Variants in KATNAL2 observed in about 807,000 individuals in gnomAD.
KATNAL2 encodes the protein katanin catalytic subunit A1 like 2.
Under a neutral mutation model 76.3 loss-of-function variants are expected in KATNAL2, and 52 were observed. The observed-to-expected ratio is 0.68, with a 90% CI of 0.55 to 0.86. The LOEUF is 0.86. Among genes scored for constraint, KATNAL2 ranks in the 40% least tolerant of loss-of-function variants. KATNAL2 has a pLI of 0.00. For synonymous variants in KATNAL2, 243 were observed against 244.2 expected (o/e 1.00, Z 0.05); for missense variants, 660 against 668.9 (o/e 0.99, Z 0.15).
intron 15 of KATNAL2, chr18:47,084,296 A>C: frequency 1.4e-6 from 1 of 701,816 alleles, no homozygotes; most frequent in East Asian, 2.7e-5. Context: ...ATGTGATTGG[A>C]GGGATAAGCA....
At chr18:47,067,202 A>C (rs1400923794) in intron 11 of KATNAL2, 83 bp downstream of exon 11, 1 of 602,370 alleles carries the variant, frequency 1.7e-6, no homozygotes, top group East Asian at 3.1e-5. Flanking sequence ...TCAGGAAGGG[A>C]AGGGCAGGAT....
intron 15 of KATNAL2, among the ~76,000 whole-genome samples, chr18:47,094,027 C>T (rs915787081): frequency 1.3e-4 from 20 of 152,204 alleles, no homozygotes; most frequent in African/African-American, 4.1e-4. Context: ...GCAACAGTGT[C>T]GGATGGTAGA....
At chr18:47,046,621 G>A (rs1215998191) in intron 4 of KATNAL2, 94 bp downstream of exon 4, 4 of 888,714 alleles carry the variant, frequency 4.5e-6, no homozygotes, top group Non-Finnish European at 7.0e-6. Context: ...AGACTTTCTT[G>A]TTTAGAGCAA....
intron 8 of KATNAL2, 95 bp from the exon 9 acceptor site, chr18:47,062,877 G>C: frequency 1.1e-6 from 1 of 871,466 alleles, no homozygotes; most frequent in South Asian, 1.7e-5. Context: ...TATATACCAG[G>C]GTCTATAAAT....
chr18:47,045,472 C>A (rs1317717788), intron 3 of KATNAL2, among the ~76,000 whole-genome samples: 2 of 151,828 alleles, frequency 1.3e-5, no homozygotes, highest in Admixed American at 1.3e-4. Flanking sequence ...ATTACAGGTG[C>A]CTGCCACCAC....
chr18:46,921,327 C>T (rs563111172), intron 1 of KATNAL2, among the ~76,000 whole-genome samples: 52 of 152,140 alleles, frequency 3.4e-4, no homozygotes, highest in Non-Finnish European at 6.3e-4. Flanking sequence ...GGGGTTTCAC[C>T]GTCTTGGTCA....
At position 47,031,495 on chromosome 18, in the gene KATNAL2, C is replaced by G. The variant is rs141166327; in HGVS notation, c.52-14962C>G. ...AAGAAAATCATTATGCCCTGAGAAT[C>G]GGGGAATGGGGATTCGGGTGTTAAG... On this transcript the variant is annotated intron_variant, in intron 3 of 17. Coordinates refer to ENST00000683218, the MANE Select transcript of KATNAL2 (RefSeq NM_001387690.1). Among the ~76,000 whole-genome samples, 1,016 of 152,110 alleles carry G rather than the reference C, an allele frequency of 6.7e-3. 14 individuals are homozygous for G. The highest frequency in any genetic ancestry group is 0.023 in the African/African-American group (951 of 41,484).
At chr18:47,053,912 C>T (rs1242903470) in intron 5 of KATNAL2, among the ~76,000 whole-genome samples, 1 of 152,204 alleles carries the variant, frequency 6.6e-6, no homozygotes, top group East Asian at 1.9e-4. Flanking sequence ...GTGACATGAT[C>T]TCACTTCCAG....
intron 1 of KATNAL2, among the ~76,000 whole-genome samples, chr18:46,942,684 A>G (rs889670708): frequency 6.6e-6 from 1 of 152,182 alleles, no homozygotes; most frequent in Non-Finnish European, 1.5e-5. Flanking sequence ...TCTCCTCATT[A>G]TGCTCATAGT....
At chr18:47,045,330 T>TTTTCTTTTCTTTTCTTTTCTTTTC (rs1491241447) in intron 3 of KATNAL2, among the ~76,000 whole-genome samples, 84 of 41,902 alleles carry the variant, frequency 2.0e-3, no homozygotes, top group Non-Finnish European at 2.8e-3. Flanking sequence ...TTTTCTTTTC[T>TTTTCTTTTCTTTTCTTTTCTTTTC]TTTTTTTTTT....
intron 3 of KATNAL2, among the ~76,000 whole-genome samples, chr18:46,952,360 A>G (rs2059583272): frequency 6.9e-6 from 1 of 144,760 alleles, no homozygotes. Context: ...CTGGGATTAT[A>G]GGCATGAGCC....
At position 47,101,819 on chromosome 18, in the gene KATNAL2, C is replaced by G. The variant is rs2063442895; in HGVS notation, c.*814C>G. 1 of 152,218 alleles carries G rather than the reference C, an allele frequency of 6.6e-6. No homozygotes were observed. The highest frequency in any genetic ancestry group is 1.5e-5 in the Non-Finnish European group (1 of 68,066). The allele number at this position is 152,218 out of a possible 1,614,324, so 9.4% of individuals were successfully genotyped here. Reference sequence around the variant, plus strand: ...ACATTCATCCCAAGTCTTCCCTGCTCTTAGGCTCTTCCCCCTCTCCTTAAG... The same window carrying G: ...ACATTCATCCCAAGTCTTCCCTGCTGTTAGGCTCTTCCCCCTCTCCTTAAG... On this transcript the variant is annotated 3_prime_UTR_variant, in exon 18 of 18. Transcript: ENST00000683218.
At chr18:47,083,039 C>G (rs968551478) in intron 15 of KATNAL2, among the ~76,000 whole-genome samples, 15 of 152,194 alleles carry the variant, frequency 9.9e-5, no homozygotes, top group African/African-American at 3.4e-4. Flanking sequence ...AATTCCTTCC[C>G]TGTTGAACAT....
intron 1 of KATNAL2, among the ~76,000 whole-genome samples, chr18:46,927,330 T>C (rs1225854255): frequency 6.6e-6 from 1 of 152,172 alleles, no homozygotes; most frequent in Non-Finnish European, 1.5e-5. Context: ...ATTTTATTTC[T>C]CCTTCACTTA....
intron 1 of KATNAL2, among the ~76,000 whole-genome samples, chr18:46,924,427 T>C (rs778373852): frequency 7.5e-4 from 114 of 152,294 alleles, no homozygotes; most frequent in Non-Finnish European, 1.2e-3. Context: ...TCTGTTACAT[T>C]GGTCTATATC....
chr18:46,941,884 A>G (rs941430264), intron 1 of KATNAL2, among the ~76,000 whole-genome samples: 2 of 152,170 alleles, frequency 1.3e-5, no homozygotes, highest in Non-Finnish European at 2.9e-5. Flanking sequence ...CTACCCTTAC[A>G]GATGGAGCAA....
At chr18:47,052,714 A>G (rs975654505) in intron 4 of KATNAL2, among the ~76,000 whole-genome samples, 166 bp from the exon 5 acceptor site, 1 of 152,232 alleles carries the variant, frequency 6.6e-6, no homozygotes, top group Non-Finnish European at 1.5e-5. Flanking sequence ...CTTAACAAAT[A>G]TGGGGCTCTT....
chr18:47,034,366 G>A, intron 3 of KATNAL2: 1 of 1,614,012 alleles, frequency 6.2e-7, no homozygotes, highest in East Asian at 2.2e-5. Flanking sequence ...ACTGTCTGGA[G>A]CCTCCTCCAA....
At position 47,101,838 on chromosome 18, in the gene KATNAL2, CCTT is replaced by C. The variant is rs1409751144; in HGVS notation, c.*834_*836del. 3 of 152,332 alleles carry C rather than the reference CCTT, an allele frequency of 2.0e-5. No homozygotes were observed. Among genetic ancestry groups the C allele is most frequent in the East Asian group, 1.9e-4 (1 of 5,176 alleles). The allele number at this position is 152,332 out of a possible 1,614,324, so 9.4% of individuals were successfully genotyped here. A position where few individuals can be genotyped will look rare whatever the true frequency, so the allele number is the denominator to read the frequency against. On this transcript the variant is annotated 3_prime_UTR_variant, in exon 18 of 18. Transcript: ENST00000683218. ...CCTGCTCTTAGGCTCTTCCCCCTCT[CCTT>C]AAGGGGTTATAAACAACTAGACGCA...
Sources: gnomAD v4.1 joint callset for allele counts (sites outside exome capture counted in the v4.1 genomes callset) on GRCh38, gnomAD v4.1.1 for gene constraint, MANE v1.5 for transcripts, NCBI Gene and HGNC (gene_info 2026-07-23, HGNC 2026-07-21) for gene names.